Variants in LRP2 observed in about 807,000 individuals in gnomAD.
LRP2 encodes LDL receptor related protein 2.
A neutral mutation model predicts 531.0 loss-of-function variants in LRP2; 172 were observed. The observed-to-expected ratio is 0.32, with a 90% CI of 0.29 to 0.37. LRP2 has a LOEUF of 0.37. Ranked by LOEUF, LRP2 falls within the 10% of genes least tolerant of loss-of-function variation. The probability of loss-of-function intolerance (pLI) is 1.00; values close to 1 mark genes in which losing one functional copy is unlikely to be tolerated. For synonymous variants in LRP2, 1,992 were observed against 2,027.6 expected (o/e 0.98, Z 0.47); for missense variants, 5,167 against 5,868.3 (o/e 0.88, Z 3.90).
intron 31 of LRP2, among the ~76,000 whole-genome samples, chr2:169,230,306 A>G (rs189733041): frequency 1.7e-4 from 26 of 152,384 alleles, no homozygotes; most frequent in African/African-American, 5.8e-4. Flanking sequence ...TAGGTACATA[A>G]TAAGTCTCTG....
intron 1 of LRP2, among the ~76,000 whole-genome samples, chr2:169,337,126 C>G (rs1019166981): frequency 6.6e-6 from 1 of 152,142 alleles, no homozygotes; most frequent in Non-Finnish European, 1.5e-5. Flanking sequence ...CCATGGCTCA[C>G]GACCCTGACC....
intron 37 of LRP2, 84 bp downstream of exon 37, chr2:169,211,884 C>A: frequency 1.9e-6 from 3 of 1,544,146 alleles, no homozygotes; most frequent in Non-Finnish European, 2.7e-6. Flanking sequence ...TGAATCCACA[C>A]ATGAAGAAAT....
At chr2:169,270,431 A>G (rs1377188636) in intron 16 of LRP2, among the ~76,000 whole-genome samples, 10 of 152,178 alleles carry the variant, frequency 6.6e-5, no homozygotes, top group Non-Finnish European at 1.2e-4. Context: ...CAGCCATAAA[A>G]AAGGATGAGT....
chr2:169,195,760 G>C (rs1687983240), intron 46 of LRP2, among the ~76,000 whole-genome samples: 1 of 152,098 alleles, frequency 6.6e-6, no homozygotes, highest in Non-Finnish European at 1.5e-5. Context: ...AACTCTATGT[G>C]CCCTTTGCTT....
intron 3 of LRP2, among the ~76,000 whole-genome samples, chr2:169,314,994 CA>C (rs1485079130): frequency 6.6e-6 from 1 of 152,158 alleles, no homozygotes; most frequent in Non-Finnish European, 1.5e-5. Context: ...AGTGCTCGTT[CA>C]ATTACCTTGG....
chr2:169,359,414 T>G (rs1163694033), intron 1 of LRP2, among the ~76,000 whole-genome samples: 1 of 152,252 alleles, frequency 6.6e-6, no homozygotes, highest in Admixed American at 6.5e-5. Flanking sequence ...GGTATAATTT[T>G]TTTCAAAGAC....
intron 1 of LRP2, among the ~76,000 whole-genome samples, chr2:169,324,681 G>A (rs1022296025): frequency 2.0e-5 from 3 of 151,434 alleles, no homozygotes; most frequent in African/African-American, 7.3e-5. Context: ...CATATCCCAA[G>A]CTTCCTGGGT....
intron 11 of LRP2, among the ~76,000 whole-genome samples, 168 bp from the exon 12 acceptor site, chr2:169,279,763 T>C (rs902059470): frequency 1.3e-5 from 2 of 152,198 alleles, no homozygotes; most frequent in Non-Finnish European, 2.9e-5. Flanking sequence ...GTATTAATGG[T>C]ATAATAAAAT....
chr2:169,339,742 A>T (rs1247683187), intron 1 of LRP2, among the ~76,000 whole-genome samples: 2 of 152,188 alleles, frequency 1.3e-5, no homozygotes, highest in African/African-American at 4.8e-5. Flanking sequence ...CTTCACTCTG[A>T]TAAATTTGGA....
intron 68 of LRP2, among the ~76,000 whole-genome samples, chr2:169,147,830 G>A (rs1558978679): frequency 6.6e-6 from 1 of 152,104 alleles, no homozygotes; most frequent in Non-Finnish European, 1.5e-5. Context: ...AAGAGCTCCT[G>A]TCAGTGCCCA....
At chr2:169,193,424 T>C (rs1425216600) in intron 47 of LRP2, among the ~76,000 whole-genome samples, 4 of 137,188 alleles carry the variant, frequency 2.9e-5, no homozygotes. Context: ...GAGTAAGACC[T>C]TGTCAAAAAA....
rs79179577 is a variant in LRP2 at position 169,128,710 on chromosome 2, T to A, written c.13921A>T (p.Thr4641Ser). ...PTPTYSATED[T>S]FKDTANLVKE... The stretch of plus-strand genomic sequence containing the variant: ...ACAAGATTTGCGGTGTCTTTAAAAG[T>A]GTCTTCTGTTGCAGAATAGGTTGGA... Residue 4641 changes from threonine to serine, a missense_variant, in exon 79 of 79, where the codon ACT (threonine) becomes TCT (serine). Thr to Ser is a moderately conservative substitution (Grantham distance 58). This residue lies in a region of LRP2 where 348 missense variants were observed against 369.3 expected (regional missense o/e 0.94). Coordinates refer to ENST00000649046, the MANE Select transcript of LRP2 (RefSeq NM_004525.3). 347 of 1,614,152 alleles carry A rather than the reference T, an allele frequency of 2.1e-4. No homozygotes were observed. In the African/African-American group the frequency reaches 4.2e-3, roughly 20 times the overall value.
At chr2:169,305,622 G>A (rs889940047) in intron 4 of LRP2, among the ~76,000 whole-genome samples, 1 of 152,078 alleles carries the variant, frequency 6.6e-6, no homozygotes, top group African/African-American at 2.4e-5. Flanking sequence ...GATTTCTAAG[G>A]TACACAAAAA....
At chr2:169,322,977 G>T (rs1259274161) in intron 1 of LRP2, among the ~76,000 whole-genome samples, 1 of 152,226 alleles carries the variant, frequency 6.6e-6, no homozygotes, top group Admixed American at 6.5e-5. Context: ...GAGGAGTGGG[G>T]TGGGGGGATT....
chr2:169,267,153 A>G (rs1185651336), intron 16 of LRP2, among the ~76,000 whole-genome samples: 1 of 151,950 alleles, frequency 6.6e-6, no homozygotes, highest in Non-Finnish European at 1.5e-5. Context: ...GTTCCCAAAA[A>G]TAACGTGTTT....
intron 1 of LRP2, among the ~76,000 whole-genome samples, chr2:169,334,592 G>T (rs200151019): frequency 2.0e-5 from 3 of 152,198 alleles, no homozygotes; most frequent in African/African-American, 7.2e-5. Flanking sequence ...AAAAGCAATC[G>T]CCAGAAAGCC....
At position 169,160,685 on chromosome 2, in the gene LRP2, A is replaced by AAAAAAAAAAAAAACAAAAAAAAC. The variant is rs970862922; in HGVS notation, c.11887+1786_11887+1787insGTTTTTTTTGTTTTTTTTTTTTT. 2.4e-4 allele frequency among the ~76,000 whole-genome samples: 23 copies of AAAAAAAAAAAAAACAAAAAAAAC among 94,282 alleles called. 1 individual carries two copies. Among genetic ancestry groups the AAAAAAAAAAAAAACAAAAAAAAC allele is most frequent in the South Asian group, 1.1e-3 (3 of 2,820 alleles). 61.9% of individuals were successfully genotyped at this position (94,282 alleles called of 152,430 possible). ...TTGTTTGTGCTACTTATTTCCTTAA[A>AAAAAAAAAAAAAACAAAAAAAAC]AAAAAAAAAACCTGCTACTAATTAA... On this transcript the variant is annotated intron_variant, in intron 63 of 78. Coordinates refer to ENST00000649046, the MANE Select transcript of LRP2 (RefSeq NM_004525.3).
Position 169,362,343 on chromosome 2 carries a change from G to T in LRP2, c.57C>A (p.Cys19Ter). ...TACCTTGGCCACTGGCCGGCGCTAG[G>T]CAGGCGACGAGAGCCAGGAGCAGCG... The part of the protein sequence containing the change: ...ACTLLLALVA[C>*]LAPASGQECD... Residue 19 changes from cysteine (C) to a stop codon, truncating the protein, a stop_gained, in exon 1 of 79, where the codon TGC becomes TGA. Transcript: ENST00000649046. LOFTEE classifies it high-confidence loss of function. The T allele has an allele frequency of 6.4e-7, 1 of 1,568,156 alleles. No homozygotes were observed.
chr2:169,326,360 C>T (rs1328104935), intron 1 of LRP2, among the ~76,000 whole-genome samples: 1,551 of 148,642 alleles, frequency 0.01, 21 homozygotes, highest in African/African-American at 0.036. Context: ...CGATTGCAGG[C>T]GCGCGCCACC....
Sources: allele counts gnomAD v4.1 joint callset (sites outside exome capture counted in the v4.1 genomes callset), GRCh38; gene constraint gnomAD v4.1.1; regional missense constraint gnomAD v4.1.1; transcripts MANE v1.5; gene names NCBI Gene and HGNC (gene_info 2026-07-23, HGNC 2026-07-21).